Variants in STARD9 observed in about 807,000 individuals in gnomAD.
STARD9 encodes StAR related lipid transfer domain containing 9, also known as stAR-related lipid transfer protein 9.
Under a neutral mutation model 399.8 loss-of-function variants are expected in STARD9, and 346 were observed. The ratio of observed to expected loss-of-function variants is 0.87; its 90% CI spans 0.79 to 0.95. STARD9 has a LOEUF of 0.95. STARD9 is among the 40% of genes least tolerant of loss of function. STARD9 has a pLI of 0.00. For synonymous variants in STARD9, 2,203 were observed against 2,143.5 expected (o/e 1.03, Z -0.77); for missense variants, 5,832 against 5,667.5 (o/e 1.03, Z -0.93).
chr15:42,663,151 A>C, intron 11 of STARD9, 130 bp from the exon 12 acceptor site: 1 of 930,424 alleles, frequency 1.1e-6, no homozygotes, highest in Non-Finnish European at 1.6e-6. Context: ...AATACCTAAA[A>C]TATCCTATTG....
intron 3 of STARD9, among the ~76,000 whole-genome samples, chr15:42,588,692 G>A (rs182388737): frequency 7.3e-5 from 11 of 151,338 alleles, no homozygotes; most frequent in East Asian, 1.9e-4. Context: ...CACCACGGAC[G>A]GGTAAGAAAG....
At chr15:42,635,538 C>G (rs2059403365) in intron 4 of STARD9, among the ~76,000 whole-genome samples, 1 of 151,964 alleles carries the variant, frequency 6.6e-6, no homozygotes, top group Non-Finnish European at 1.5e-5. Flanking sequence ...ACCGTGTTAG[C>G]CAGGATGGTC....
At position 42,682,155 on chromosome 15, in the gene STARD9, A is replaced by G; in HGVS notation, c.2117A>G (p.Gln706Arg). The G allele has an allele frequency of 6.5e-7, 1 of 1,537,258 alleles. No homozygotes were observed. Among genetic ancestry groups the G allele is most frequent in the Non-Finnish European group, 8.7e-7 (1 of 1,146,886 alleles). ...EETWLASLQQQQQEDQVAEKE... is the reference protein window; with the variant it reads ...EETWLASLQQRQQEDQVAEKE... ...ACCTGGCTGGCCAGCTTGCAACAGC[A>G]GCAGCAAGAAGACCAGGTAGCAGAG... is the stretch of plus-strand genomic sequence containing the variant. The change falls in exon 22 of 33, where the codon CAG (glutamine) becomes CGG (arginine). Residue 706 changes from glutamine (Q) to arginine (R), a missense_variant. Gln to Arg is a conservative substitution (Grantham distance 43, BLOSUM62 1). This residue lies in a region of STARD9 where 5,828 missense variants were observed against 5,651.1 expected (regional missense o/e 1.03). Coordinates refer to ENST00000290607, the MANE Select transcript of STARD9 (RefSeq NM_020759.3).
intron 26 of STARD9, among the ~76,000 whole-genome samples, chr15:42,696,117 G>T (rs1230790486): frequency 6.6e-6 from 1 of 152,230 alleles, no homozygotes. Context: ...GGATACAGCG[G>T]TGAGCAAAAC....
intron 26 of STARD9, among the ~76,000 whole-genome samples, chr15:42,712,548 C>T (rs1566966636): frequency 1.3e-5 from 2 of 152,128 alleles, no homozygotes; most frequent in African/African-American, 2.4e-5. Flanking sequence ...ATCCAGTTCT[C>T]CCAACAACAT....
chr15:42,619,247 A>G (rs2059034686), intron 3 of STARD9, among the ~76,000 whole-genome samples: 1 of 152,142 alleles, frequency 6.6e-6, no homozygotes, highest in African/African-American at 2.4e-5. Flanking sequence ...TTGTATTCAC[A>G]CTATCCTGCC....
intron 3 of STARD9, among the ~76,000 whole-genome samples, chr15:42,633,074 C>T (rs1181808598): frequency 6.6e-6 from 1 of 150,666 alleles, no homozygotes; most frequent in Non-Finnish European, 1.5e-5. Context: ...CCCAGGAGGT[C>T]AAGGCTGTGG....
At chr15:42,607,040 C>T (rs907450602) in intron 3 of STARD9, among the ~76,000 whole-genome samples, 2 of 150,984 alleles carry the variant, frequency 1.3e-5, no homozygotes, top group African/African-American at 2.4e-5. Flanking sequence ...CTCTATCTCC[C>T]GGGCTCAAGT....
rs570880299 is a variant in STARD9, at chr15:42,591,226, G to A, written c.234+5589G>A. ...GTCCAGGCTGAGCACAGTGGCTCAC[G>A]CCTGTAATCCTAGCACTTTGGGAGG... On this transcript the variant is annotated intron_variant, in intron 3 of 32. Coordinates refer to ENST00000290607, the MANE Select transcript of STARD9 (RefSeq NM_020759.3). 5.6e-4 allele frequency among the ~76,000 whole-genome samples: 85 copies of A among 152,230 alleles called. No homozygotes were observed. The South Asian group carries it at 0.015, about 26-fold the overall frequency.
At chr15:42,672,079 A>G (rs1050226934) in intron 16 of STARD9, 2 of 151,978 alleles carry the variant, frequency 1.3e-5, no homozygotes, top group African/African-American at 4.8e-5. Context: ...TACTTTCCCC[A>G]CCTTTTGTTT....
chr15:42,682,509 A>G lies in STARD9; in HGVS notation c.2471A>G (p.Lys824Arg). 2 of 1,537,176 alleles carry G rather than the reference A, an allele frequency of 1.3e-6. No homozygotes were observed. ...GTCCCACGGCCTCCATGTAGAAGCA[A>G]ATTGACGAGTTGCAGTTCTTTGAGC... Reference protein sequence around the residue: ...ATVPRPPCRSKLTSCSSLSPQ... With the variant: ...ATVPRPPCRSRLTSCSSLSPQ... Residue 824 changes from lysine to arginine, a missense_variant, in exon 22 of 33, where the codon AAA (lysine) becomes AGA (arginine). Lys to Arg is a conservative substitution (Grantham distance 26, BLOSUM62 2). Transcript: ENST00000290607.
chr15:42,703,050 C>T (rs932399263), intron 26 of STARD9, among the ~76,000 whole-genome samples: 3 of 152,188 alleles, frequency 2.0e-5, no homozygotes, highest in South Asian at 2.1e-4. Flanking sequence ...CTACCATAGT[C>T]TCCTAAAGTG....
At chr15:42,599,977 G>C (rs1047721772) in intron 3 of STARD9, among the ~76,000 whole-genome samples, 6 of 152,182 alleles carry the variant, frequency 3.9e-5, no homozygotes, top group African/African-American at 1.4e-4. Context: ...ATGAGTTCAG[G>C]GAGGGTCATT....
chr15:42,684,802 G>A lies in STARD9; in HGVS notation c.3224G>A (p.Arg1075Lys). ...CCTTTGAAGAGACAACAAAATACAA[G>A]GGACCCAGACACCATGGTCCCACTC... The part of the protein sequence containing the change: ...GSPLKRQQNT[R>K]DPDTMVPLTD... Residue 1075 changes from arginine (R) to lysine (K), a missense_variant, in exon 23 of 33, where the codon AGG becomes AAG. By Grantham distance (26) the Arg-to-Lys change is conservative (BLOSUM62 2). Coordinates refer to ENST00000290607, the MANE Select transcript of STARD9 (RefSeq NM_020759.3). The A allele has an allele frequency of 1.3e-6, 2 of 1,537,146 alleles. No homozygotes were observed. Among genetic ancestry groups the A allele is most frequent in the Non-Finnish European group, 8.7e-7 (1 of 1,146,918 alleles).
At chr15:42,645,619 G>A (rs1055078635) in intron 7 of STARD9, among the ~76,000 whole-genome samples, 1 of 150,796 alleles carries the variant, frequency 6.6e-6, no homozygotes, top group African/African-American at 2.4e-5. Flanking sequence ...AGTCTGGAGT[G>A]CAGTGGCGTG....
chr15:42,620,726 C>CATTTTATTTTATTTTATTTT (rs1289189860), intron 3 of STARD9, among the ~76,000 whole-genome samples: 52 of 130,254 alleles, frequency 4.0e-4, no homozygotes, highest in African/African-American at 1.0e-3. Context: ...GTAGAATGTC[C>CATTTTATTTTATTTTATTTT]CTTTTATTTT....
At chr15:42,613,682 C>T (rs764048255) in intron 3 of STARD9, among the ~76,000 whole-genome samples, 3 of 152,058 alleles carry the variant, frequency 2.0e-5, no homozygotes, top group African/African-American at 7.2e-5. Flanking sequence ...AAGAATTTAT[C>T]GGCTGGGCGA....
At position 42,665,350 on chromosome 15, in the gene STARD9, C is replaced by G. The variant is rs1388496092; in HGVS notation, c.1254+20C>G. The G allele has an allele frequency of 1.3e-6, 2 of 1,526,616 alleles. No individual in the cohort carries two copies. The highest frequency in any genetic ancestry group is 2.4e-5 in the South Asian group (2 of 83,748). 94.6% of individuals were successfully genotyped at this position (1,526,616 alleles called of 1,614,324 possible). ...GAACTGGTATGCAGACAGTCAGAAC[C>G]TTTCCGTACTTAAGTGAAATTCTCC... On this transcript the variant is annotated intron_variant, in intron 14 of 32. Transcript: ENST00000290607.
rs1329642260 is a variant in STARD9 at position 42,692,147 on chromosome 15, C to G, written c.10569C>G (p.Ser3523=). The change falls in exon 23 of 33, where the codon TCC becomes TCG. Residue 3523 remains serine, a synonymous_variant. Transcript: ENST00000290607. ...ACAATGGCCTAGAAGACCAGAACTC[C>G]CCTTTCCACTCCCACCTCAGCACTT... ...SMDNGLEDQN[S]PFHSHLSTYA... 8 of 1,537,166 alleles carry G rather than the reference C, an allele frequency of 5.2e-6. No individual in the cohort carries two copies. The South Asian group carries it at 9.5e-5, about 18-fold the overall frequency.
Sources: allele counts gnomAD v4.1 joint callset (sites outside exome capture counted in the v4.1 genomes callset), GRCh38; gene constraint gnomAD v4.1.1; regional missense constraint gnomAD v4.1.1; transcripts MANE v1.5; gene names NCBI Gene and HGNC (gene_info 2026-07-23, HGNC 2026-07-21).